The following TMC5 variants were observed in gnomAD, a reference collection of about 807,000 sequenced individuals.
TMC5 encodes the protein transmembrane channel like 5.
TMC5 carries 86 observed loss-of-function variants against 110.5 expected under a neutral mutation model. The observed-to-expected ratio is 0.78, with a 90% confidence interval of 0.65 to 0.93. The LOEUF (loss-of-function observed/expected upper bound fraction) is 0.93, where lower values mean the gene tolerates loss of function less well. Ranked by LOEUF, TMC5 falls within the 40% of genes least tolerant of loss-of-function variation. TMC5 has a pLI of 0.00. For synonymous variants in TMC5, 455 were observed against 439.5 expected, an observed-to-expected ratio of 1.04 and a Z score of -0.44; for missense variants, 1,144 against 1,222.8, an observed-to-expected ratio of 0.94 and a Z score of 0.96.
At chr16:19,412,992 C>T (rs979511532), upstream of TMC5, among the ~76,000 whole-genome samples, 1 of 152,004 alleles carries the variant, frequency 6.6e-6, no homozygotes, top group Non-Finnish European at 1.5e-5. Flanking sequence ...TACAGGTGCT[C>T]GCCTCTACAC....
At chr16:19,414,624 C>T (rs933007846), upstream of TMC5, among the ~76,000 whole-genome samples, 16 of 152,146 alleles carry the variant, frequency 1.1e-4, 1 homozygote, top group Non-Finnish European at 4.4e-5. Context: ...GTATAAAACC[C>T]CAAAGAGACC....
chr16:19,493,803 C>A lies in TMC5; in HGVS notation c.2827-459C>A, dbSNP rs532472611. Among the ~76,000 whole-genome samples, 7 of 152,312 alleles carry A rather than the reference C, an allele frequency of 4.6e-5. No individual in the cohort carries two copies. The South Asian group carries it at 6.2e-4, about 14-fold the overall frequency. On this transcript the variant is annotated intron_variant, in intron 19 of 21. Coordinates refer to ENST00000542583, the MANE Select transcript of TMC5 (RefSeq NM_001261841.2). ...TTTACTCTATAACCATTTACCACTT[C>A]CCCTCCCCACTTCCTCTTTTCTTTT...
intron 15 of TMC5, among the ~76,000 whole-genome samples, chr16:19,482,785 T>G (rs895502165): frequency 2.6e-5 from 4 of 152,206 alleles, no homozygotes; most frequent in Non-Finnish European, 5.9e-5. Context: ...AGCCAACTGG[T>G]TGCAGCAAAT....
intron 2 of TMC5, among the ~76,000 whole-genome samples, chr16:19,439,038 AC>A (rs1183666213): frequency 6.6e-6 from 1 of 152,238 alleles, no homozygotes; most frequent in African/African-American, 2.4e-5. Flanking sequence ...TTATTTGAAC[AC>A]AGTTTGAACA....
Position 19,487,278 on chromosome 16 carries a change from T to A in TMC5, c.2525T>A (p.Phe842Tyr). 10 of 1,614,174 alleles carry A rather than the reference T, an allele frequency of 6.2e-6. No individual in the cohort carries two copies. The highest frequency in any genetic ancestry group is 7.6e-6 in the Non-Finnish European group (9 of 1,180,032). ...ACTTTCTTCATCTTCTTGCTCTTTT[T>A]CCCATCCTTCACCGGGGTCTTGTGC... is the stretch of plus-strand genomic sequence containing the variant. The part of the protein sequence containing the change: ...MMTFFIFLLF[F>Y]PSFTGVLCTL... Residue 842 changes from phenylalanine (F) to tyrosine (Y), a missense_variant, in exon 17 of 22, where the codon TTC becomes TAC. Transcript: ENST00000542583.
chr16:19,417,202 T>C (rs1335348632), upstream of TMC5, among the ~76,000 whole-genome samples: 1 of 151,608 alleles, frequency 6.6e-6, no homozygotes, highest in East Asian at 1.9e-4. Context: ...GTGGATCACT[T>C]GAGCTCAGGA....
chr16:19,473,162 A>G (rs558504196), intron 11 of TMC5, among the ~76,000 whole-genome samples: 12 of 151,990 alleles, frequency 7.9e-5, no homozygotes, highest in Admixed American at 7.9e-4. Context: ...CCTGGCCAAC[A>G]TGGTGAAACC....
intron 4 of TMC5, 136 bp from the exon 5 acceptor site, chr16:19,449,406 C>T (rs1033974441): frequency 1.3e-5 from 9 of 697,838 alleles, no homozygotes; most frequent in Admixed American, 9.8e-5. Context: ...AATCAGTAGT[C>T]TGTTAGAACC....
rs1968276473 is a variant in TMC5, at chr16:19,469,664, C to T, written c.1638-17C>T. Reference sequence around the variant, plus strand: ...GCCATAATAACCTTCAGGTGTTCTGCTTTCTGCCTTCTCTAGCATGGCCAA... The same window carrying T: ...GCCATAATAACCTTCAGGTGTTCTGTTTTCTGCCTTCTCTAGCATGGCCAA... On this transcript the variant is annotated splice_polypyrimidine_tract_variant and intron_variant, in intron 9 of 21. Transcript: ENST00000542583. 1 of 1,613,606 alleles carries T rather than the reference C, an allele frequency of 6.2e-7. No homozygotes were observed. Among genetic ancestry groups the T allele is most frequent in the Non-Finnish European group, 8.5e-7 (1 of 1,179,636 alleles).
intron 9 of TMC5, among the ~76,000 whole-genome samples, chr16:19,467,620 T>C (rs1189112142): frequency 2.6e-5 from 4 of 152,076 alleles, no homozygotes; most frequent in Non-Finnish European, 5.9e-5. Flanking sequence ...TAGCTGGGAC[T>C]ATAGGTATGT....
intron 1 of TMC5, among the ~76,000 whole-genome samples, chr16:19,420,409 A>G (rs1966957783): frequency 6.6e-6 from 1 of 151,746 alleles, no homozygotes; most frequent in Non-Finnish European, 1.5e-5. Flanking sequence ...GCCTGGCAAC[A>G]GAGCAAGACT....
Position 19,434,390 on chromosome 16 carries a change from G to GATCTAT in TMC5, c.-80+3752_-80+3753insCTATAT, listed in dbSNP as rs1967287707. Among the ~76,000 whole-genome samples, 4 of 115,230 alleles carry GATCTAT rather than the reference G, an allele frequency of 3.5e-5. 1 individual carries two copies. The East Asian group carries it at 7.2e-4, about 21-fold the overall frequency. The allele number at this position is 115,230 out of a possible 152,430, so 75.6% of individuals were successfully genotyped here. On this transcript the variant is annotated intron_variant, in intron 2 of 21. Coordinates refer to ENST00000542583, the MANE Select transcript of TMC5 (RefSeq NM_001261841.2). ...ATAATATAGATCTATATATAATATA[G>GATCTAT]ATATAATATATATATCATATATATC...
At position 19,466,086 on chromosome 16, in the gene TMC5, A is replaced by C; in HGVS notation, c.1490A>C (p.Tyr497Ser). The C allele has an allele frequency of 6.2e-7, 1 of 1,613,612 alleles. No individual in the cohort carries two copies. The highest frequency in any genetic ancestry group is 1.1e-5 in the South Asian group (1 of 91,022). Residue 497 changes from tyrosine (Y) to serine (S), a missense_variant, in exon 9 of 22, where the codon TAT becomes TCT. Transcript: ENST00000542583. ...ATGGTTTATTGTACCTTTCAGGGTTATTTTAGGGACACAGTGATGTACTAT... is the reference window on the plus strand; with the variant it reads ...ATGGTTTATTGTACCTTTCAGGGTTCTTTTAGGGACACAGTGATGTACTAT... Reference protein sequence around the residue: ...TGLEFFTGVGYFRDTVMYYGF... With the variant: ...TGLEFFTGVGSFRDTVMYYGF...
chr16:19,448,867 T>C (rs1440085728), intron 4 of TMC5, among the ~76,000 whole-genome samples: 33 of 125,288 alleles, frequency 2.6e-4, no homozygotes, highest in Admixed American at 2.5e-3. Context: ...TTTTTTCTTT[T>C]TTTTTTTTTT....
chr16:19,417,877 A>G (rs1966893796), upstream of TMC5: 1 of 152,228 alleles, frequency 6.6e-6, no homozygotes, highest in Admixed American at 6.5e-5. Context: ...TGAGCTCAGT[A>G]AACAACCCCC....
At chr16:19,469,899 T>C (rs1968287020) in intron 10 of TMC5, 74 bp downstream of exon 10, 3 of 265,106 alleles carry the variant, frequency 1.1e-5, no homozygotes, top group Admixed American at 9.2e-5. Flanking sequence ...GTAACTTTTC[T>C]TTTTTTTTTT....
intron 17 of TMC5, among the ~76,000 whole-genome samples, chr16:19,488,386 C>T (rs557614635): frequency 1.3e-5 from 2 of 152,246 alleles, no homozygotes; most frequent in Non-Finnish European, 2.9e-5. Flanking sequence ...ACTGAAGCTT[C>T]CCAGAATGGG....
chr16:19,469,800 A>G lies in TMC5; in HGVS notation c.1757A>G (p.Gln586Arg). The change falls in exon 10 of 22, where the codon CAG (glutamine) becomes CGG (arginine). Residue 586 changes from glutamine to arginine, a missense_variant. Transcript: ENST00000542583. ...CATGAAAAAGCTGTGAAGCTAAAAC[A>G]GAAGAATCTTAGCACTGAGATAAGG... ...VTHEKAVKLK[Q>R]KNLSTEIREN... 1 of 1,614,160 alleles carries G rather than the reference A, an allele frequency of 6.2e-7. No homozygotes were observed. The highest frequency in any genetic ancestry group is 8.5e-7 in the Non-Finnish European group (1 of 1,179,988).
intron 6 of TMC5, 143 bp downstream of exon 6, chr16:19,460,477 T>A (rs184816845): frequency 1.8e-6 from 1 of 571,270 alleles, no homozygotes; most frequent in African/African-American, 1.9e-5. Context: ...AAATGCCCTC[T>A]GTAGGTACTC....
Sources: allele counts gnomAD v4.1 joint callset (sites outside exome capture counted in the v4.1 genomes callset), GRCh38; gene constraint gnomAD v4.1.1; transcripts MANE v1.5; gene names NCBI Gene and HGNC (gene_info 2026-07-23, HGNC 2026-07-21).